Variants in KLHL5 observed in about 807,000 individuals in gnomAD.
The protein encoded by KLHL5 is kelch like family member 5.
Under a neutral mutation model 77.7 loss-of-function variants are expected in KLHL5, and 48 were observed. The ratio of observed to expected loss-of-function variants is 0.62; its 90% CI spans 0.49 to 0.79. KLHL5 has a LOEUF of 0.79. Among genes scored for constraint, KLHL5 ranks in the 30% least tolerant of loss-of-function variants. KLHL5 has a pLI of 0.00. For synonymous variants in KLHL5, 260 were observed against 297.0 expected (o/e 0.88, Z 1.28); for missense variants, 723 against 859.7 (o/e 0.84, Z 1.99).
chr4:39,118,962 A>G (rs1354408968), intron 10 of KLHL5, among the ~76,000 whole-genome samples: 1 of 152,168 alleles, frequency 6.6e-6, no homozygotes, highest in African/African-American at 2.4e-5. Flanking sequence ...TAAGATTGAG[A>G]GCTACAAGAT....
chr4:39,059,865 C>A (rs570065609), upstream of KLHL5, among the ~76,000 whole-genome samples: 44 of 152,334 alleles, frequency 2.9e-4, no homozygotes, highest in African/African-American at 1.0e-3. Context: ...CACCACTGTA[C>A]TCTTGCCTGG....
At chr4:39,094,152 A>G (rs1238919406) in intron 5 of KLHL5, among the ~76,000 whole-genome samples, 1 of 152,116 alleles carries the variant, frequency 6.6e-6, no homozygotes, top group East Asian at 1.9e-4. Flanking sequence ...ATTTGGTGAC[A>G]GTTATGATTA....
intron 1 of KLHL5, among the ~76,000 whole-genome samples, chr4:39,068,437 CTGTGTG>C (rs71192818): frequency 2.7e-5 from 4 of 147,860 alleles, no homozygotes; most frequent in East Asian, 2.0e-4. Context: ...CCAGAAAACA[CTGTGTG>C]TGTGTGTGTG....
rs891335391 is a variant in KLHL5, at chr4:39,081,753, C to A, written c.704-210C>A. 8.6e-5 allele frequency among the ~76,000 whole-genome samples: 13 copies of A among 151,864 alleles called. No homozygotes were observed. The highest frequency in any genetic ancestry group is 6.6e-4 in the Admixed American group (10 of 15,238). On this transcript the variant is annotated intron_variant, in intron 3 of 10. Transcript: ENST00000504108. This position sits in a 1 kb window ranked among gnomAD's most constrained non-coding sequence, Gnocchi z 4.3. ...ATCATTTTAAAATTCTGAAAATAAG[C>A]CATTAGTTTTTATTTTAGTAGATGT... is the stretch of plus-strand genomic sequence containing the variant.
rs370616710 is a variant in KLHL5, at chr4:39,062,729, C to T, written c.77C>T (p.Ser26Leu). Residue 26 changes from serine (S) to leucine (L), a missense_variant, in exon 1 of 11, where the codon TCA becomes TTA. Ser to Leu is a moderately radical substitution (Grantham distance 145, BLOSUM62 -2). Around this residue, in one of 3 missense-constraint regions of KLHL5, gnomAD observed 221 missense variants for 222.1 expected, o/e 1.00. Transcript: ENST00000504108. ...IRWRWFGHQA[S>L]SPNSTVDSQQ... ...TGGAGGTGGTTTGGTCATCAAGCAT[C>T]ATCTCCTAATTCTACAGTTGACAGC... The T allele has an allele frequency of 1.7e-5, 28 of 1,614,144 alleles. No individual in the cohort carries two copies. The African/African-American group carries it at 3.1e-4, about 18-fold the overall frequency.
intron 5 of KLHL5, among the ~76,000 whole-genome samples, chr4:39,092,188 A>G (rs1047271014): frequency 6.6e-6 from 1 of 152,146 alleles, no homozygotes; most frequent in Non-Finnish European, 1.5e-5. Context: ...GAAGGCATTT[A>G]GTATTCACCA....
At chr4:39,113,356 A>G (rs1467216416) in intron 9 of KLHL5, 124 bp downstream of exon 9, 3 of 734,776 alleles carry the variant, frequency 4.1e-6, no homozygotes, top group East Asian at 5.4e-5. Flanking sequence ...ATGCAAAGCA[A>G]CTTCACTTTA....
At chr4:39,063,825 T>A (rs1262567714) in intron 1 of KLHL5, 1 of 169,044 alleles carries the variant, frequency 5.9e-6, no homozygotes, top group Non-Finnish European at 1.3e-5. Flanking sequence ...TTATCTACCT[T>A]TATCTTGGAA....
Position 39,124,478 on chromosome 4 carries a change from G to C in KLHL5, c.*3412G>C, listed in dbSNP as rs537187697. 5.9e-5 allele frequency among the ~76,000 whole-genome samples: 9 copies of C among 152,064 alleles called. No individual in the cohort carries two copies. Among genetic ancestry groups the C allele is most frequent in the Non-Finnish European group, 1.0e-4 (7 of 67,992 alleles). On this transcript the variant is annotated 3_prime_UTR_variant, in exon 11 of 11. Coordinates refer to ENST00000504108, the MANE Select transcript of KLHL5 (RefSeq NM_015990.5). The stretch of plus-strand genomic sequence containing the variant: ...TGGTATAAAAATATATAAAGCAATA[G>C]AGTAGAATGGAAAGTCCAGAAACAA...
chr4:39,103,546 A>C (rs747680314), intron 7 of KLHL5, 35 bp downstream of exon 7: 14 of 1,520,322 alleles, frequency 9.2e-6, no homozygotes, highest in Non-Finnish European at 1.3e-5. Flanking sequence ...TCAAAATATC[A>C]CATAGCTCCC....
At chr4:39,132,959 T>C in the KLHL5 span, among the ~76,000 whole-genome samples, 14 of 152,194 alleles carry the variant, frequency 9.2e-5, no homozygotes, top group Admixed American at 7.2e-4. Context: ...TCAGAAAGTA[T>C]TGTAATACCT....
At chr4:39,130,372 T>C (rs1723751058), downstream of KLHL5, among the ~76,000 whole-genome samples, 1 of 152,226 alleles carries the variant, frequency 6.6e-6, no homozygotes, top group Non-Finnish European at 1.5e-5. Flanking sequence ...TAAGAATGTC[T>C]TTAAGCAGTA....
intron 8 of KLHL5, 95 bp downstream of exon 8, chr4:39,107,826 G>T (rs1722165015): frequency 1.2e-6 from 1 of 858,122 alleles, no homozygotes; most frequent in Non-Finnish European, 1.7e-6. Flanking sequence ...AATACTTACA[G>T]TGATTTGAAG....
the KLHL5 span, among the ~76,000 whole-genome samples, chr4:39,138,181 G>A: frequency 6.6e-6 from 1 of 152,118 alleles, no homozygotes; most frequent in East Asian, 1.9e-4. Context: ...AGCCATTGTG[G>A]AAGATGGTGT....
intron 8 of KLHL5, among the ~76,000 whole-genome samples, chr4:39,111,333 T>A (rs1433636004): frequency 1.3e-5 from 2 of 152,222 alleles, no homozygotes; most frequent in Non-Finnish European, 2.9e-5. Context: ...TTAAATAACT[T>A]GTCCATAGTC....
intron 1 of KLHL5, among the ~76,000 whole-genome samples, chr4:39,065,232 A>C (rs113061228): frequency 6.6e-6 from 1 of 152,138 alleles, no homozygotes; most frequent in Non-Finnish European, 1.5e-5. Flanking sequence ...CTTTGTCATA[A>C]AGATACATTT....
At chr4:39,092,703 C>T (rs1720697361) in intron 5 of KLHL5, among the ~76,000 whole-genome samples, 1 of 152,088 alleles carries the variant, frequency 6.6e-6, no homozygotes, top group African/African-American at 2.4e-5. Context: ...TTTCCAAATA[C>T]CACCAACTTT....
At chr4:39,095,133 A>T (rs1163495135) in intron 5 of KLHL5, among the ~76,000 whole-genome samples, 2 of 152,216 alleles carry the variant, frequency 1.3e-5, no homozygotes, top group Non-Finnish European at 2.9e-5. Flanking sequence ...AACTCTTAAA[A>T]TTTTTAATCA....
At chr4:39,058,204 A>C (rs972339995), upstream of KLHL5, among the ~76,000 whole-genome samples, 1 of 152,184 alleles carries the variant, frequency 6.6e-6, no homozygotes, top group East Asian at 1.9e-4. Context: ...AGTTTGAAGA[A>C]AGTGTGTCCA....
Sources: gnomAD v4.1 joint callset for allele counts (sites outside exome capture counted in the v4.1 genomes callset) on GRCh38, gnomAD v4.1.1 for gene constraint, gnomAD v4.1.1 regional missense constraint, Gnocchi (gnomAD v3.1) non-coding constraint, MANE v1.5 for transcripts, NCBI Gene and HGNC (gene_info 2026-07-23, HGNC 2026-07-21) for gene names.